The following URB1 variants were observed in gnomAD, a reference collection of about 807,000 sequenced individuals.
The protein encoded by URB1 is URB1 ribosome biogenesis factor, also known as nucleolar pre-ribosomal-associated protein 1.
URB1 carries 197 observed loss-of-function variants against 242.3 expected under a neutral mutation model. That is an observed-to-expected ratio of 0.81 (90% CI 0.72 to 0.91). URB1 has a LOEUF of 0.91. Ranked by LOEUF, URB1 falls within the 40% of genes least tolerant of loss-of-function variation. The pLI, the probability that URB1 is intolerant of heterozygous loss-of-function variation, is 0.00. For synonymous variants in URB1, 1,153 were observed against 1,201.8 expected (o/e 0.96, Z 0.84); for missense variants, 2,721 against 2,860.5 (o/e 0.95, Z 1.11).
At chr21:32,317,952 G>T in intron 36 of URB1, 35 bp from the exon 37 acceptor site, 1 of 1,548,616 alleles carries the variant, frequency 6.5e-7, no homozygotes, top group African/African-American at 1.4e-5. Flanking sequence ...CTGAGCAAAG[G>T]CTGCTGCCCC....
At chr21:32,383,692 CTTTT>C (rs1304592223) in intron 3 of URB1, 138 bp from the exon 4 acceptor site, 2 of 985,028 alleles carry the variant, frequency 2.0e-6, no homozygotes, top group Middle Eastern at 3.5e-4. Context: ...AAGACATGCT[CTTTT>C]TTTAAGGAAA....
intron 22 of URB1, 107 bp from the exon 23 acceptor site, chr21:32,345,682 C>T: frequency 8.5e-7 from 1 of 1,175,072 alleles, no homozygotes; most frequent in Non-Finnish European, 1.2e-6. Flanking sequence ...TCCTGTGACC[C>T]TGGTGATGCC....
chr21:32,336,464 G>C (rs2032960908), intron 28 of URB1, among the ~76,000 whole-genome samples: 1 of 152,154 alleles, frequency 6.6e-6, no homozygotes, highest in Non-Finnish European at 1.5e-5. Context: ...CAGCAAAGAG[G>C]ATCCAAAAGT....
intron 21 of URB1, 53 bp from the exon 22 acceptor site, chr21:32,347,864 G>A: frequency 6.8e-7 from 1 of 1,474,536 alleles, no homozygotes; most frequent in Admixed American, 2.4e-5. Flanking sequence ...GGCTAAGACA[G>A]GGGCGGCAGC....
Position 32,311,155 on chromosome 21 carries a change from C to T in URB1, c.*3763G>A. ...GCAAAAGGGCATGTGCAGGGAAACT[C>T]CCCTTTATAAAACCATCAGATCTCA... On this transcript the variant is annotated 3_prime_UTR_variant, in exon 39 of 39. Transcript: ENST00000382751. 1 of 155,376 alleles carries T rather than the reference C, an allele frequency of 6.4e-6. No homozygotes were observed. Among genetic ancestry groups the T allele is most frequent in the Non-Finnish European group, 1.4e-5 (1 of 70,118 alleles). 9.6% of individuals were successfully genotyped at this position (155,376 alleles called of 1,614,324 possible).
intron 18 of URB1, among the ~76,000 whole-genome samples, chr21:32,353,304 T>C (rs1327115811): frequency 1.3e-5 from 2 of 152,168 alleles, no homozygotes; most frequent in African/African-American, 4.8e-5. Context: ...TGCTTGACTG[T>C]CCACCCTTTC....
Position 32,333,372 on chromosome 21 carries a change from A to C in URB1, c.4905T>G (p.Asp1635Glu), listed in dbSNP as rs2032917884. 1 of 1,551,778 alleles carries C rather than the reference A, an allele frequency of 6.4e-7. No homozygotes were observed. The highest frequency in any genetic ancestry group is 1.4e-5 in the African/African-American group (1 of 73,184). ...GGAGAAAGCAGGGGTCATAGAGGCC[A>C]TCAAGATCCACCCTGCTTTTGTCTT... ...IFKDKSRVDLDGLYDPCFLLQ... is the reference protein window; with the variant it reads ...IFKDKSRVDLEGLYDPCFLLQ... The change falls in exon 30 of 39, where the codon GAT becomes GAG. Residue 1635 changes from aspartate to glutamate, a missense_variant. Asp to Glu is a conservative substitution (Grantham distance 45). Coordinates refer to ENST00000382751, the MANE Select transcript of URB1 (RefSeq NM_014825.3).
chr21:32,353,571 T>C (rs1311655332), intron 18 of URB1, among the ~76,000 whole-genome samples: 4 of 152,234 alleles, frequency 2.6e-5, no homozygotes, highest in Non-Finnish European at 4.4e-5. Flanking sequence ...GAGCACTTCC[T>C]TGGGTCTAAG....
Position 32,341,508 on chromosome 21 carries a change from A to G in URB1, c.4274T>C (p.Val1425Ala). ...LNALLHALNE[V>A]DPGDWQKFVK... The stretch of plus-strand genomic sequence containing the variant: ...GAATTTCTGCCAGTCACCAGGATCA[A>G]CTTCATTAAGTGCATGCTATGAATA... Residue 1425 changes from valine to alanine, a missense_variant, in exon 25 of 39, where the codon GTT becomes GCT. Transcript: ENST00000382751. 6.4e-7 allele frequency: 1 copy of G among 1,551,608 alleles called. No individual in the cohort carries two copies. Among genetic ancestry groups the G allele is most frequent in the Non-Finnish European group, 8.7e-7 (1 of 1,147,000 alleles).
chr21:32,328,571 A>C (rs1372380954), intron 30 of URB1, among the ~76,000 whole-genome samples: 2 of 152,254 alleles, frequency 1.3e-5, no homozygotes, highest in Non-Finnish European at 2.9e-5. Context: ...AGAGACACCT[A>C]CATAAGTACA....
Position 32,312,422 on chromosome 21 carries a change from A to G in URB1, c.*2496T>C. ...AAGTTCCCATCCAAGCTCCACTAAC[A>G]CCCGCCGGCTCCCCCAGATGTGATG... On this transcript the variant is annotated 3_prime_UTR_variant, in exon 39 of 39. Transcript: ENST00000382751. The G allele has an allele frequency of 1.3e-6, 1 of 799,946 alleles. No individual in the cohort carries two copies. The highest frequency in any genetic ancestry group is 1.6e-6 in the Non-Finnish European group (1 of 611,694). The allele number at this position is 799,946 out of a possible 1,614,324, so 49.6% of individuals were successfully genotyped here.
intron 26 of URB1, among the ~76,000 whole-genome samples, chr21:32,337,820 GC>G (rs1486028439): frequency 6.6e-6 from 1 of 151,708 alleles, no homozygotes; most frequent in Non-Finnish European, 1.5e-5. Context: ...ACCGCGCCCA[GC>G]CCCCCACGTG....
chr21:32,314,837 C>G lies in URB1; in HGVS notation c.*81G>C, dbSNP rs533092201. 13 of 1,510,794 alleles carry G rather than the reference C, an allele frequency of 8.6e-6. No homozygotes were observed. The Admixed American group carries it at 2.5e-4, about 30-fold the overall frequency. The allele number at this position is 1,510,794 out of a possible 1,614,324, so 93.6% of individuals were successfully genotyped here. ...GTTTCCCATGCCTTCTCTGGAAACC[C>G]TTGACTCAACCAAACTTCTAGAAGC... On this transcript the variant is annotated 3_prime_UTR_variant, in exon 39 of 39. Coordinates refer to ENST00000382751, the MANE Select transcript of URB1 (RefSeq NM_014825.3).
rs2032813192 is a variant in URB1, at chr21:32,325,040, T to A, written c.5121+189A>T. Among the ~76,000 whole-genome samples the A allele has an allele frequency of 2.0e-5, 3 of 151,992 alleles. No individual in the cohort carries two copies. The South Asian group carries it at 6.2e-4, about 32-fold the overall frequency. The stretch of plus-strand genomic sequence containing the variant: ...ACCTTTCTCAACCTCCACGGGGGGT[T>A]GTGGATCAAAGGCGACCTCCGGGAT... On this transcript the variant is annotated intron_variant, in intron 31 of 38. Coordinates refer to ENST00000382751, the MANE Select transcript of URB1 (RefSeq NM_014825.3).
rs2032602115 is a variant in URB1 at position 32,312,305 on chromosome 21, A to T, written c.*2613T>A. On this transcript the variant is annotated 3_prime_UTR_variant, in exon 39 of 39. Coordinates refer to ENST00000382751, the MANE Select transcript of URB1 (RefSeq NM_014825.3). ...CAAGAGGAAAAGCTGTTTGCTTACT[A>T]ATCTTTACTATGCCACTTTACCATT... 2.3e-6 allele frequency: 3 copies of T among 1,314,474 alleles called. No individual in the cohort carries two copies. The African/African-American group carries it at 4.5e-5, about 20-fold the overall frequency. 81.4% of individuals were successfully genotyped at this position (1,314,474 alleles called of 1,614,324 possible). A position where few individuals can be genotyped will look rare whatever the true frequency, so the allele number is the denominator to read the frequency against.
rs1005693043 is a variant in URB1 at position 32,347,372 on chromosome 21, T to C, written c.3452A>G (p.Asn1151Ser). ...CTGCACCAGGGTCTTTCCAAGAGCATTCAGGTGTCTTTCCTTCCCGGGGGA... is the reference window on the plus strand; with the variant it reads ...CTGCACCAGGGTCTTTCCAAGAGCACTCAGGTGTCTTTCCTTCCCGGGGGA... Reference protein sequence around the residue: ...TKSPGKERHLNALGKTLVQLL... With the variant: ...TKSPGKERHLSALGKTLVQLL... Residue 1151 changes from asparagine to serine, a missense_variant, in exon 22 of 39, where the codon AAT (asparagine) becomes AGT (serine). Coordinates refer to ENST00000382751, the MANE Select transcript of URB1 (RefSeq NM_014825.3). 3.9e-6 allele frequency: 6 copies of C among 1,551,332 alleles called. No homozygotes were observed. The highest frequency in any genetic ancestry group is 2.0e-5 in the Admixed American group (1 of 50,990).
At chr21:32,331,387 T>C (rs1281954663) in intron 30 of URB1, among the ~76,000 whole-genome samples, 2 of 152,248 alleles carry the variant, frequency 1.3e-5, no homozygotes, top group Non-Finnish European at 2.9e-5. Context: ...TTCCCAATTC[T>C]GGCAAGATGG....
At chr21:32,353,898 G>C (rs1475158099) in intron 18 of URB1, 35 bp downstream of exon 18, 2 of 1,546,570 alleles carry the variant, frequency 1.3e-6, no homozygotes, top group African/African-American at 2.7e-5. Context: ...TAGCCGGCCA[G>C]GTGCAGCCAA....
intron 30 of URB1, among the ~76,000 whole-genome samples, chr21:32,328,834 CA>C (rs2032860773): frequency 6.6e-6 from 1 of 152,204 alleles, no homozygotes. Context: ...ATGCTGAAAA[CA>C]TGATAGGCTA....
Sources: gnomAD v4.1 joint callset for allele counts (sites outside exome capture counted in the v4.1 genomes callset) on GRCh38, gnomAD v4.1.1 for gene constraint, MANE v1.5 for transcripts, NCBI Gene and HGNC (gene_info 2026-07-23, HGNC 2026-07-21) for gene names.